DIP2B: variants seen among roughly 807,000 people sequenced by gnomAD.
DIP2B encodes DIP2 acetate--CoA ligase B (putative).
Under a neutral mutation model 198.0 loss-of-function variants are expected in DIP2B, and 76 were observed. That is an observed-to-expected ratio of 0.38 (90% CI 0.32 to 0.46). The LOEUF is 0.46. Among genes scored for constraint, DIP2B ranks in the 20% least tolerant of loss-of-function variants. DIP2B has a pLI of 0.99. For synonymous variants in DIP2B, 701 were observed against 739.1 expected (o/e 0.95, Z 0.84); for missense variants, 1,559 against 1,978.4 (o/e 0.79, Z 4.02).
intron 1 of DIP2B, among the ~76,000 whole-genome samples, chr12:50,530,018 A>G (rs1017272712): frequency 6.6e-6 from 1 of 152,190 alleles, no homozygotes; most frequent in Non-Finnish European, 1.5e-5. Context: ...AAAATAATGC[A>G]TTGTTCTCTA....
At chr12:50,702,733 T>A (rs1170289786) in intron 19 of DIP2B, among the ~76,000 whole-genome samples, 1 of 8,956 alleles carries the variant, frequency 1.1e-4, no homozygotes, top group African/African-American at 2.3e-4. Context: ...ACCTCATCTC[T>A]TAAAAAAAAA....
At position 50,527,431 on chromosome 12, in the gene DIP2B, ATTTAC is replaced by A. The variant is rs776084067; in HGVS notation, c.100+22194_100+22198del. Among the ~76,000 whole-genome samples, 11 of 152,346 alleles carry A rather than the reference ATTTAC, an allele frequency of 7.2e-5. No homozygotes were observed. The East Asian group carries it at 1.5e-3, about 21-fold the overall frequency. On this transcript the variant is annotated intron_variant, in intron 1 of 37. Transcript: ENST00000301180. ...CACATAGGAAAATAACAAAAATCTTATTTACTTATTATATTGTGAACTTCAGGTTT... is the reference window on the plus strand; with the variant it reads ...CACATAGGAAAATAACAAAAATCTTATTATTATATTGTGAACTTCAGGTTT...
chr12:50,525,253 A>T (rs1043108912), intron 1 of DIP2B, among the ~76,000 whole-genome samples: 7 of 151,504 alleles, frequency 4.6e-5, no homozygotes. Context: ...AGCTACTTGG[A>T]AGGCTGAGGC....
rs549268147 is a variant in DIP2B, at chr12:50,589,297, T to C, written c.101-36679T>C. Among the ~76,000 whole-genome samples the C allele has an allele frequency of 4.6e-5, 7 of 151,128 alleles. No homozygotes were observed. The South Asian group carries it at 1.3e-3, about 27-fold the overall frequency. ...TTGCCCAGGCTGGAGTGCAGTGGCT[T>C]GATTCTCCTGCCTCAGCCTCTCAAG... On this transcript the variant is annotated intron_variant, in intron 1 of 37. Coordinates refer to ENST00000301180, the MANE Select transcript of DIP2B (RefSeq NM_173602.3).
rs765761510 is a variant in DIP2B, at chr12:50,698,335, G to A, written c.2056G>A (p.Val686Ile). 6.2e-7 allele frequency: 1 copy of A among 1,612,402 alleles called. No homozygotes were observed. The highest frequency in any genetic ancestry group is 8.5e-7 in the Non-Finnish European group (1 of 1,179,270). The change falls in exon 18 of 38, where the codon GTT becomes ATT. Residue 686 changes from valine (V) to isoleucine (I), a missense_variant. Val to Ile is a conservative substitution (Grantham distance 29). Coordinates refer to ENST00000301180, the MANE Select transcript of DIP2B (RefSeq NM_173602.3). ...AMTVAIRRPGVPGAPLPGRAI... is the reference protein window; with the variant it reads ...AMTVAIRRPGIPGAPLPGRAI... The stretch of plus-strand genomic sequence containing the variant: ...ATGGGTTCTTCTTTTCAGGCCTGGA[G>A]TTCCAGGAGCCCCTTTGCCAGGAAG...
chr12:50,600,897 C>CCACCACCACCATGACCACCAT, intron 1 of DIP2B, among the ~76,000 whole-genome samples: 3 of 74,106 alleles, frequency 4.0e-5, no homozygotes, highest in African/African-American at 3.3e-4. Context: ...ACCACCATCA[C>CCACCACCACCATGACCACCAT]CACCACCACC....
rs1205734576 is a variant in DIP2B, at chr12:50,664,830, G to GTT, written c.427+4515_427+4516dup. ...CAAGGAGAATTTCCCTCCTTTTTTG[G>GTT]TTTTTGTTTTTTTTTTTTTTTTTTT... is the stretch of plus-strand genomic sequence containing the variant. On this transcript the variant is annotated intron_variant, in intron 4 of 37. Coordinates refer to ENST00000301180, the MANE Select transcript of DIP2B (RefSeq NM_173602.3). Among the ~76,000 whole-genome samples, 57 of 99,642 alleles carry GTT rather than the reference G, an allele frequency of 5.7e-4. 15 individuals carry two copies. The highest frequency in any genetic ancestry group is 2.3e-3 in the African/African-American group (56 of 23,972). The allele number at this position is 99,642 out of a possible 152,430, so 65.4% of individuals were successfully genotyped here.
chr12:50,604,135 C>T (rs937854283), intron 1 of DIP2B, among the ~76,000 whole-genome samples: 5 of 139,804 alleles, frequency 3.6e-5, no homozygotes, highest in African/African-American at 7.9e-5. Context: ...TTGAAAGAAC[C>T]GAGAGCAGAC....
intron 1 of DIP2B, among the ~76,000 whole-genome samples, chr12:50,540,782 C>T (rs1958317955): frequency 6.6e-6 from 1 of 151,020 alleles, no homozygotes; most frequent in East Asian, 2.0e-4. Flanking sequence ...CGTGATCCGC[C>T]CGCCTCGGCC....
intron 1 of DIP2B, among the ~76,000 whole-genome samples, chr12:50,622,590 T>G (rs566228268): frequency 1.2e-3 from 178 of 152,242 alleles, no homozygotes; most frequent in Non-Finnish European, 2.2e-3. Flanking sequence ...GAAAAAAATT[T>G]TACATGTGTG....
chr12:50,575,645 A>G (rs1367269971), intron 1 of DIP2B, among the ~76,000 whole-genome samples: 2 of 151,952 alleles, frequency 1.3e-5, no homozygotes, highest in Non-Finnish European at 2.9e-5. Flanking sequence ...CAGCCTCCCA[A>G]AGTGCTGGGA....
chr12:50,674,960 C>T (rs1376519046), intron 6 of DIP2B, among the ~76,000 whole-genome samples: 2 of 152,120 alleles, frequency 1.3e-5, no homozygotes, highest in African/African-American at 2.4e-5. Flanking sequence ...GTCAGGAGAT[C>T]GAGACCATCC....
chr12:50,560,410 G>A (rs7488678), intron 1 of DIP2B, among the ~76,000 whole-genome samples: 129,125 of 148,244 alleles, frequency 0.87, 57,314 homozygotes, highest in Non-Finnish European at 0.97. Context: ...AAAAAAAAAA[G>A]CAAAAAACTT....
At chr12:50,707,110 T>G (rs957098246) in intron 21 of DIP2B, among the ~76,000 whole-genome samples, 1 of 152,328 alleles carries the variant, frequency 6.6e-6, no homozygotes, top group African/African-American at 2.4e-5. Context: ...ATTGACATAG[T>G]GCATAATTTC....
chr12:50,623,437 A>ACACTCTCTCT (rs1308369241), intron 1 of DIP2B, among the ~76,000 whole-genome samples: 1 of 57,112 alleles, frequency 1.8e-5, no homozygotes, highest in African/African-American at 7.4e-5. Context: ...ACACACACAC[A>ACACTCTCTCT]CTCTCTCTCT....
chr12:50,506,782 T>C (rs796318147), intron 1 of DIP2B, among the ~76,000 whole-genome samples: 6 of 152,362 alleles, frequency 3.9e-5, no homozygotes, highest in African/African-American at 1.4e-4. Flanking sequence ...TCTCCTAGAC[T>C]AAAGCATTGA....
At position 50,543,438 on chromosome 12, in the gene DIP2B, C is replaced by T. The variant is rs533072693; in HGVS notation, c.100+38198C>T. ...TCAAGTAGCTGGGGTTACAGCCACCCGCCATCACGCCAGCTAATTTTTGTA... is the reference window on the plus strand; with the variant it reads ...TCAAGTAGCTGGGGTTACAGCCACCTGCCATCACGCCAGCTAATTTTTGTA... On this transcript the variant is annotated intron_variant, in intron 1 of 37. Coordinates refer to ENST00000301180, the MANE Select transcript of DIP2B (RefSeq NM_173602.3). Among the ~76,000 whole-genome samples, 11 of 151,926 alleles carry T rather than the reference C, an allele frequency of 7.2e-5. No individual in the cohort carries two copies. The South Asian group carries it at 1.7e-3, about 23-fold the overall frequency.
intron 1 of DIP2B, among the ~76,000 whole-genome samples, chr12:50,540,584 T>G (rs1225687487): frequency 4.7e-5 from 7 of 147,576 alleles, no homozygotes; most frequent in Non-Finnish European, 1.0e-4. Flanking sequence ...AGTCTCGCTC[T>G]GTCACCCAGG....
intron 3 of DIP2B, among the ~76,000 whole-genome samples, chr12:50,653,423 C>T (rs1938496946): frequency 6.8e-6 from 1 of 146,226 alleles, no homozygotes; most frequent in South Asian, 2.2e-4. Context: ...TCACTACAGC[C>T]TCAGTTCTCC....
Sources: gnomAD v4.1 joint callset for allele counts (sites outside exome capture counted in the v4.1 genomes callset) on GRCh38, gnomAD v4.1.1 for gene constraint, MANE v1.5 for transcripts, NCBI Gene and HGNC (gene_info 2026-07-23, HGNC 2026-07-21) for gene names.